Variants in EPHA3 observed in about 807,000 individuals in gnomAD.
EPHA3 encodes EPH receptor A3, also known as ephrin type-A receptor 3.
Under a neutral mutation model 107.1 loss-of-function variants are expected in EPHA3, and 42 were observed. The ratio of observed to expected loss-of-function variants is 0.39; its 90% CI spans 0.31 to 0.51. The LOEUF is 0.51. Among genes scored for constraint, EPHA3 ranks in the 20% least tolerant of loss-of-function variants. The pLI, the probability that EPHA3 is intolerant of heterozygous loss-of-function variation, is 0.78. For missense variants in EPHA3, 1,183 were observed against 1,211.2 expected (o/e 0.98, Z 0.35); for synonymous variants, 461 against 424.8 (o/e 1.09, Z -1.05).
At chr3:89,264,431 G>A (rs1401077279) in intron 3 of EPHA3, among the ~76,000 whole-genome samples, 23 of 151,966 alleles carry the variant, frequency 1.5e-4, no homozygotes, top group Non-Finnish European at 2.4e-4. Flanking sequence ...CCTGTCCTAC[G>A]TTCTCTTCCC....
intron 3 of EPHA3, among the ~76,000 whole-genome samples, chr3:89,266,134 A>G (rs1046131328): frequency 2.0e-5 from 3 of 152,166 alleles, no homozygotes; most frequent in Admixed American, 6.5e-5. Context: ...CTCATTGAAT[A>G]ATAAAAATAG....
chr3:89,315,088 G>C (rs571447067), intron 3 of EPHA3, among the ~76,000 whole-genome samples: 1 of 151,834 alleles, frequency 6.6e-6, no homozygotes, highest in African/African-American at 2.4e-5. Context: ...TAAAAATATG[G>C]CATTATAATC....
At chr3:89,454,725 CTCAAAACTGCAATACCAGCTAT>C (rs1311061337) in intron 15 of EPHA3, among the ~76,000 whole-genome samples, 1 of 152,132 alleles carries the variant, frequency 6.6e-6, no homozygotes, top group Non-Finnish European at 1.5e-5. Context: ...GGTGGAGTGA[CTCAAAACTGCAATACCAGCTAT>C]TCAGGAGACT....
At chr3:89,204,886 G>A (rs573077993) in intron 2 of EPHA3, among the ~76,000 whole-genome samples, 167 of 152,196 alleles carry the variant, frequency 1.1e-3, no homozygotes, top group Middle Eastern at 6.8e-3. Context: ...GTGGAGAAAG[G>A]AATAACATGA....
At chr3:89,166,605 T>C (rs1441213446) in intron 2 of EPHA3, among the ~76,000 whole-genome samples, 8 of 152,324 alleles carry the variant, frequency 5.3e-5, no homozygotes, top group Middle Eastern at 3.4e-3. Flanking sequence ...CTTCTATCCT[T>C]AGCATTTCTC....
chr3:89,273,009 G>T (rs187957613), intron 3 of EPHA3, among the ~76,000 whole-genome samples: 1 of 151,966 alleles, frequency 6.6e-6, no homozygotes, highest in Admixed American at 6.6e-5. Context: ...GACTATTAAA[G>T]GAAGTGAATA....
At chr3:89,353,641 A>C (rs1707881913) in intron 5 of EPHA3, among the ~76,000 whole-genome samples, 1 of 151,356 alleles carries the variant, frequency 6.6e-6, no homozygotes, top group African/African-American at 2.4e-5. Context: ...TAGTGTGGCC[A>C]AGCCTTCCAC....
At chr3:89,434,879 T>A (rs181408483) in intron 13 of EPHA3, among the ~76,000 whole-genome samples, 3 of 152,288 alleles carry the variant, frequency 2.0e-5, no homozygotes, top group Non-Finnish European at 2.9e-5. Flanking sequence ...TTCTTCAGGG[T>A]TCATCTTTGT....
chr3:89,350,446 A>G (rs1384693940), intron 5 of EPHA3, among the ~76,000 whole-genome samples: 5 of 151,370 alleles, frequency 3.3e-5, no homozygotes, highest in African/African-American at 9.7e-5. Flanking sequence ...CGTAGTTCTC[A>G]AGCCTTGGTT....
intron 3 of EPHA3, among the ~76,000 whole-genome samples, chr3:89,323,972 C>T (rs1427917633): frequency 6.6e-6 from 1 of 151,648 alleles, no homozygotes; most frequent in Middle Eastern, 3.4e-3. Flanking sequence ...TTTTGCAGTA[C>T]AAATACTATA....
intron 7 of EPHA3, among the ~76,000 whole-genome samples, chr3:89,404,141 C>A (rs1709011446): frequency 6.6e-6 from 1 of 152,058 alleles, no homozygotes; most frequent in African/African-American, 2.4e-5. Flanking sequence ...ACTTTACTTT[C>A]TTGGGCCCTA....
intron 5 of EPHA3, among the ~76,000 whole-genome samples, chr3:89,381,835 T>C (rs1313683499): frequency 6.6e-6 from 1 of 152,144 alleles, no homozygotes; most frequent in African/African-American, 2.4e-5. Flanking sequence ...GCGCAATCTA[T>C]GAATCGGGAA....
intron 1 of EPHA3, among the ~76,000 whole-genome samples, chr3:89,119,959 T>C (rs2106957342): frequency 6.6e-6 from 1 of 152,294 alleles, no homozygotes; most frequent in East Asian, 1.9e-4. Flanking sequence ...AGTTTTCTTC[T>C]TGTATTCTAT....
At chr3:89,275,736 A>G (rs1401843305) in intron 3 of EPHA3, among the ~76,000 whole-genome samples, 1 of 152,082 alleles carries the variant, frequency 6.6e-6, no homozygotes. Flanking sequence ...TGCAGCTTTC[A>G]TATTTGGTTT....
chr3:89,154,560 A>G (rs1485898743), intron 2 of EPHA3, among the ~76,000 whole-genome samples: 1 of 151,736 alleles, frequency 6.6e-6, no homozygotes, highest in African/African-American at 2.4e-5. Flanking sequence ...ATGAACAGCT[A>G]TACTGAACAA....
intron 15 of EPHA3, among the ~76,000 whole-genome samples, chr3:89,460,457 T>C (rs1710202193): frequency 6.6e-6 from 1 of 152,094 alleles, no homozygotes; most frequent in Non-Finnish European, 1.5e-5. Context: ...AAATATATTG[T>C]TTCATTGCAT....
intron 3 of EPHA3, among the ~76,000 whole-genome samples, chr3:89,305,018 A>G (rs189996470): frequency 9.2e-5 from 14 of 152,262 alleles, no homozygotes; most frequent in Non-Finnish European, 1.9e-4. Flanking sequence ...CATTTCATGG[A>G]TTATTTTTCA....
At chr3:89,407,832 G>A (rs946065873) in intron 8 of EPHA3, among the ~76,000 whole-genome samples, 1 of 152,074 alleles carries the variant, frequency 6.6e-6, no homozygotes, top group South Asian at 2.1e-4. Context: ...TGAACTGGAG[G>A]GTCTGCACAG....
chr3:89,305,329 A>G (rs1190635203), intron 3 of EPHA3, among the ~76,000 whole-genome samples: 2 of 152,160 alleles, frequency 1.3e-5, no homozygotes, highest in African/African-American at 2.4e-5. Flanking sequence ...GAAAAATATT[A>G]TTTTGCATGG....
Sources: gnomAD v4.1 joint callset for allele counts (sites outside exome capture counted in the v4.1 genomes callset) on GRCh38, gnomAD v4.1.1 for gene constraint, MANE v1.5 for transcripts, NCBI Gene and HGNC (gene_info 2026-07-23, HGNC 2026-07-21) for gene names.